The following C1orf21 variants were observed in gnomAD, a reference collection of about 807,000 sequenced individuals.
The protein encoded by C1orf21 is uncharacterized protein C1orf21.
A neutral mutation model predicts 18.7 loss-of-function variants in C1orf21; 3 were observed. The observed-to-expected ratio is 0.16, with a 90% CI of 0.07 to 0.42. C1orf21 has a LOEUF of 0.42. C1orf21 is among the 10% of genes least tolerant of loss of function. C1orf21 has a pLI of 0.99. For synonymous variants in C1orf21, 41 were observed against 46.4 expected, an observed-to-expected ratio of 0.88 and a Z score of 0.47; for missense variants, 104 against 143.6, an observed-to-expected ratio of 0.72 and a Z score of 1.41.
At chr1:184,603,560 C>T (rs111335067) in intron 5 of C1orf21, among the ~76,000 whole-genome samples, 11,420 of 152,224 alleles carry the variant, frequency 0.075, 505 homozygotes, top group Non-Finnish European at 0.087. Context: ...TTTGGGAGGC[C>T]GAGGCTGGTG....
At chr1:184,558,338 A>G (rs1658908018) in intron 3 of C1orf21, among the ~76,000 whole-genome samples, 1 of 152,228 alleles carries the variant, frequency 6.6e-6, no homozygotes, top group African/African-American at 2.4e-5. Context: ...TGATTTGTGT[A>G]ATGACTGCTA....
Position 184,626,295 on chromosome 1 carries a change from G to A in C1orf21, c.*6739G>A, listed in dbSNP as rs1211961768. 1 of 152,222 alleles carries A rather than the reference G, an allele frequency of 6.6e-6. No homozygotes were observed. Among genetic ancestry groups the A allele is most frequent in the Non-Finnish European group, 1.5e-5 (1 of 68,114 alleles). 9.4% of individuals were successfully genotyped at this position (152,222 alleles called of 1,614,324 possible). On this transcript the variant is annotated 3_prime_UTR_variant, in exon 6 of 6. Coordinates refer to ENST00000235307, the MANE Select transcript of C1orf21 (RefSeq NM_030806.4). ...GCAGCCAGCCCAGTTTTGGCAATCAGGGGCTTCCTGAAAGAGGTGACATCA... is the reference window on the plus strand; with the variant it reads ...GCAGCCAGCCCAGTTTTGGCAATCAAGGGCTTCCTGAAAGAGGTGACATCA...
At chr1:184,412,693 A>G (rs1656374341) in intron 1 of C1orf21, among the ~76,000 whole-genome samples, 2 of 152,176 alleles carry the variant, frequency 1.3e-5, no homozygotes, top group South Asian at 4.1e-4. Context: ...CTGTCATCCT[A>G]GCTGTTGGGG....
In C1orf21 at chr1:184,626,540, G is replaced by T. The variant is rs1175300598; in HGVS notation, c.*6984G>T. ...AGCCACAGAGGGTTCCCGGGGCTTT[G>T]CTGGGGATTCAGGGAGCATAAATAA... On this transcript the variant is annotated 3_prime_UTR_variant, in exon 6 of 6. Transcript: ENST00000235307. The T allele has an allele frequency of 6.6e-6, 1 of 152,612 alleles. No homozygotes were observed. The highest frequency in any genetic ancestry group is 1.5e-5 in the Non-Finnish European group (1 of 68,440). 9.5% of individuals were successfully genotyped at this position (152,612 alleles called of 1,614,324 possible).
chr1:184,543,547 C>T (rs1290430676), intron 3 of C1orf21, among the ~76,000 whole-genome samples: 2 of 152,034 alleles, frequency 1.3e-5, no homozygotes, highest in Non-Finnish European at 2.9e-5. Flanking sequence ...GTTTTTGGCC[C>T]TTGGTATCTG....
In C1orf21 at chr1:184,626,693, A is replaced by T. The variant is rs1310017258; in HGVS notation, c.*7137A>T. 2.6e-5 allele frequency: 4 copies of T among 152,224 alleles called. No individual in the cohort carries two copies. The highest frequency in any genetic ancestry group is 7.3e-5 in the African/African-American group (3 of 41,366). The allele number at this position is 152,224 out of a possible 1,614,324, so 9.4% of individuals were successfully genotyped here. On this transcript the variant is annotated 3_prime_UTR_variant, in exon 6 of 6. Transcript: ENST00000235307. ...CAGTGCAGGGGTGCTTGCTGAGATG[A>T]TTCATCCCAGGGTGTCCTCTGTCCC...
intron 1 of C1orf21, among the ~76,000 whole-genome samples, chr1:184,407,526 C>T (rs180967961): frequency 7.2e-5 from 11 of 152,240 alleles, no homozygotes; most frequent in South Asian, 2.1e-4. Flanking sequence ...TGAGTTGTGC[C>T]GCATCCGCTT....
At chr1:184,599,985 G>A (rs1166269375) in intron 5 of C1orf21, among the ~76,000 whole-genome samples, 1 of 152,146 alleles carries the variant, frequency 6.6e-6, no homozygotes, top group Non-Finnish European at 1.5e-5. Flanking sequence ...TCTTCCCACT[G>A]AAACGATGAA....
At chr1:184,411,416 C>CTTTTTT (rs1199251450) in intron 1 of C1orf21, among the ~76,000 whole-genome samples, 7 of 95,694 alleles carry the variant, frequency 7.3e-5, no homozygotes, top group Admixed American at 1.3e-4. Context: ...TGGGTATTTC[C>CTTTTTT]TTTTTTTTTT....
chr1:184,534,874 G>A (rs2101974685), intron 3 of C1orf21, among the ~76,000 whole-genome samples: 2 of 152,192 alleles, frequency 1.3e-5, no homozygotes, highest in South Asian at 4.2e-4. Context: ...GATTGGGGCG[G>A]GTGACAGCCC....
intron 4 of C1orf21, among the ~76,000 whole-genome samples, chr1:184,595,348 T>A (rs935407548): frequency 1.3e-5 from 2 of 152,044 alleles, no homozygotes; most frequent in African/African-American, 4.8e-5. Context: ...CCTCCTCATC[T>A]CCCCCACTCA....
At chr1:184,402,537 T>C (rs59158738) in intron 1 of C1orf21, among the ~76,000 whole-genome samples, 11,343 of 150,886 alleles carry the variant, frequency 0.075, 1,246 homozygotes, top group African/African-American at 0.24. Flanking sequence ...GGTGGGAGGA[T>C]GGCTTGAACC....
intron 2 of C1orf21, among the ~76,000 whole-genome samples, chr1:184,498,707 T>C (rs984486380): frequency 3.3e-5 from 5 of 152,248 alleles, no homozygotes; most frequent in African/African-American, 1.2e-4. Context: ...CAATATAGTT[T>C]ACCCTGAAAA....
At chr1:184,451,791 G>T (rs566591374) in intron 1 of C1orf21, among the ~76,000 whole-genome samples, 1 of 152,224 alleles carries the variant, frequency 6.6e-6, no homozygotes, top group Admixed American at 6.5e-5. Flanking sequence ...CACATTGTAG[G>T]CCTCTTGTGC....
rs369190641 is a variant in C1orf21, at chr1:184,531,895, AT to A, written c.189+24214del. On this transcript the variant is annotated intron_variant, in intron 3 of 5. Transcript: ENST00000235307. ...TGGCCCGACCACATGGTTACTCCCA[AT>A]GTTTATCTCTTAAACAGGTTAGAGG... is the stretch of plus-strand genomic sequence containing the variant. Among the ~76,000 whole-genome samples, 60 of 152,276 alleles carry A rather than the reference AT, an allele frequency of 3.9e-4. 1 individual carries two copies. Among genetic ancestry groups the A allele is most frequent in the African/African-American group, 1.4e-3 (60 of 41,558 alleles).
chr1:184,615,267 G>A (rs1279786926), intron 5 of C1orf21, among the ~76,000 whole-genome samples: 1 of 152,146 alleles, frequency 6.6e-6, no homozygotes, highest in African/African-American at 2.4e-5. Context: ...CACAGAGTAG[G>A]GTGTGGTCGG....
At chr1:184,528,296 T>C (rs1356540783) in intron 3 of C1orf21, among the ~76,000 whole-genome samples, 1 of 152,268 alleles carries the variant, frequency 6.6e-6, no homozygotes, top group Admixed American at 6.5e-5. Context: ...TACCTAGTCC[T>C]ATCATCACAA....
chr1:184,607,721 G>GTA (rs1214524406), intron 5 of C1orf21, among the ~76,000 whole-genome samples: 9 of 149,954 alleles, frequency 6.0e-5, no homozygotes, highest in East Asian at 2.0e-4. Flanking sequence ...ATATGTGTGT[G>GTA]TATATATATA....
At chr1:184,440,640 C>T (rs983525124) in intron 1 of C1orf21, among the ~76,000 whole-genome samples, 1 of 151,472 alleles carries the variant, frequency 6.6e-6, no homozygotes. Context: ...AAGAAATTTA[C>T]TAAGAAGTTG....
Sources: gnomAD v4.1 joint callset for allele counts (sites outside exome capture counted in the v4.1 genomes callset) on GRCh38, gnomAD v4.1.1 for gene constraint, MANE v1.5 for transcripts, NCBI Gene and HGNC (gene_info 2026-07-23, HGNC 2026-07-21) for gene names.